Variants in NFATC1 observed in about 807,000 individuals in gnomAD.
The protein encoded by NFATC1 is nuclear factor of activated T cells 1.
Under a neutral mutation model 76.0 loss-of-function variants are expected in NFATC1, and 22 were observed. The ratio of observed to expected loss-of-function variants is 0.29; its 90% CI spans 0.21 to 0.41. The LOEUF is 0.41. Among genes scored for constraint, NFATC1 ranks in the 10% least tolerant of loss-of-function variants. The pLI, the probability that NFATC1 is intolerant of heterozygous loss-of-function variation, is 1.00. For synonymous variants in NFATC1, 704 were observed against 613.1 expected, an observed-to-expected ratio of 1.15 and a Z score of -2.19; for missense variants, 1,357 against 1,337.7, an observed-to-expected ratio of 1.01 and a Z score of -0.23.
intron 6 of NFATC1, 131 bp downstream of exon 6, chr18:79,451,947 G>GGGGGTGTGGC (rs2144788596): frequency 8.8e-7 from 1 of 1,139,758 alleles, no homozygotes; most frequent in South Asian, 1.9e-5. Context: ...GCACGGAGCA[G>GGGGGTGTGGC]AGGCTCTGCG....
intron 9 of NFATC1, 71 bp from the exon 10 acceptor site, chr18:79,527,457 C>A (rs1601031462): frequency 7.8e-7 from 1 of 1,278,598 alleles, no homozygotes; most frequent in East Asian, 2.3e-5. Flanking sequence ...GATGGAGAAG[C>A]AGGGCTGGGG....
intron 9 of NFATC1, among the ~76,000 whole-genome samples, chr18:79,521,325 CTG>C (rs1191916618): frequency 2.2e-4 from 9 of 41,234 alleles, no homozygotes; most frequent in African/African-American, 7.5e-4. Flanking sequence ...ATGTGTGTGT[CTG>C]TGTGTGTGTG....
chr18:79,507,170 C>CT (rs1281362243), intron 9 of NFATC1, among the ~76,000 whole-genome samples: 1 of 152,256 alleles, frequency 6.6e-6, no homozygotes, highest in African/African-American at 2.4e-5. Context: ...GAGGTGAAGT[C>CT]TTCGCCCCAG....
At chr18:79,510,174 C>T (rs2090210031) in intron 9 of NFATC1, among the ~76,000 whole-genome samples, 1 of 152,182 alleles carries the variant, frequency 6.6e-6, no homozygotes, top group Non-Finnish European at 1.5e-5. Flanking sequence ...AGCAGGTTCC[C>T]GGGCCGTCAC....
rs1007106799 is a variant in NFATC1, at chr18:79,458,461, C to T, written c.1904-2850C>T. On this transcript the variant is annotated intron_variant, in intron 6 of 9. Coordinates refer to ENST00000427363, the MANE Select transcript of NFATC1 (RefSeq NM_001278669.2). Reference sequence around the variant, plus strand: ...AACAGTGGCTCAGCATCAGCACCGGCGTGGGGGTGGCCCGGCTCCGGGCGG... The same window carrying T: ...AACAGTGGCTCAGCATCAGCACCGGTGTGGGGGTGGCCCGGCTCCGGGCGG... Among the ~76,000 whole-genome samples, 3 of 151,948 alleles carry T rather than the reference C, an allele frequency of 2.0e-5. 1 individual carries two copies. The highest frequency in any genetic ancestry group is 1.3e-4 in the Admixed American group (2 of 15,272).
rs1330375300 is a variant in NFATC1, at chr18:79,486,299, G to A, written c.2144G>A (p.Cys715Tyr). Residue 715 changes from cysteine (C) to tyrosine (Y), a missense_variant, in exon 9 of 10, where the codon TGT becomes TAT. Physicochemically the swap from Cys to Tyr is radical, Grantham distance 194 (BLOSUM62 -2). Transcript: ENST00000427363. ...PTDDYEPAPT[C>Y]GPVSQGLSPL... The stretch of plus-strand genomic sequence containing the variant: ...GATGATTATGAGCCTGCTCCAACCT[G>A]TGGACCGGTGAGCCAGGGGTTAAGT... The A allele has an allele frequency of 1.2e-6, 2 of 1,613,110 alleles. No homozygotes were observed. The highest frequency in any genetic ancestry group is 4.5e-5 in the East Asian group (2 of 44,872).
intron 9 of NFATC1, among the ~76,000 whole-genome samples, chr18:79,501,924 C>A (rs1272928345): frequency 6.6e-6 from 1 of 152,172 alleles, no homozygotes; most frequent in Non-Finnish European, 1.5e-5. Context: ...GTGAAGATGG[C>A]AGCTTTCTCC....
intron 2 of NFATC1, among the ~76,000 whole-genome samples, chr18:79,420,226 C>T (rs989492140): frequency 3.5e-5 from 5 of 144,676 alleles, no homozygotes; most frequent in Non-Finnish European, 6.0e-5. Context: ...GAGGGGGACG[C>T]GTTTCCAGGT....
intron 3 of NFATC1, among the ~76,000 whole-genome samples, chr18:79,435,624 C>G (rs1292590087): frequency 6.6e-6 from 1 of 152,194 alleles, no homozygotes; most frequent in Non-Finnish European, 1.5e-5. Flanking sequence ...TCTGGAATCC[C>G]GTCTCTGGTT....
At chr18:79,462,790 A>G (rs573654430) in intron 7 of NFATC1, among the ~76,000 whole-genome samples, 4,253 of 147,146 alleles carry the variant, frequency 0.029, 222 homozygotes, top group African/African-American at 0.1. Context: ...CGGGTCAGGG[A>G]AGTCTTGTGC....
chr18:79,403,539 G>C (rs1050736701), intron 1 of NFATC1, among the ~76,000 whole-genome samples: 4 of 152,240 alleles, frequency 2.6e-5, no homozygotes, highest in African/African-American at 9.6e-5. Context: ...CAGGGCTCCT[G>C]TTTTCTAAGT....
intron 9 of NFATC1, among the ~76,000 whole-genome samples, chr18:79,506,705 C>T (rs530956424): frequency 1.3e-4 from 20 of 152,240 alleles, no homozygotes; most frequent in Middle Eastern, 3.4e-3. Context: ...GTGTGTGCTT[C>T]CCAGTTACTT....
chr18:79,436,558 C>T (rs977676007), intron 3 of NFATC1, among the ~76,000 whole-genome samples: 6 of 152,190 alleles, frequency 3.9e-5, no homozygotes, highest in Non-Finnish European at 5.9e-5. Context: ...CTCCCACGCC[C>T]GCTGTCTCCG....
chr18:79,485,204 T>C (rs543072582), intron 8 of NFATC1, among the ~76,000 whole-genome samples: 2 of 152,276 alleles, frequency 1.3e-5, no homozygotes, highest in African/African-American at 2.4e-5. Flanking sequence ...AACCCACCAG[T>C]GTGCAGCCCA....
chr18:79,469,359 G>A (rs1450799637), intron 8 of NFATC1: 14 of 985,302 alleles, frequency 1.4e-5, no homozygotes, highest in Non-Finnish European at 1.7e-5. Flanking sequence ...GAGCAGCACT[G>A]ACTTTAGCAC....
intron 2 of NFATC1, chr18:79,421,247 G>C (rs56303882): frequency 0.013 from 1,990 of 152,474 alleles, 17 homozygotes; most frequent in Non-Finnish European, 0.021. Context: ...GGGCACCCCA[G>C]CTCCTCTCCC....
rs367683259 is a variant in NFATC1 at position 79,527,605 on chromosome 18, A to G, written c.*28A>G. ...GCCACATTGGAGCACTCAGTTCAGC[A>G]GGGGTATGCTGACTTCAGCAGACAA... On this transcript the variant is annotated 3_prime_UTR_variant, in exon 10 of 10. Coordinates refer to ENST00000427363, the MANE Select transcript of NFATC1 (RefSeq NM_001278669.2). 2.6e-5 allele frequency: 42 copies of G among 1,608,548 alleles called. No homozygotes were observed. Among genetic ancestry groups the G allele is most frequent in the African/African-American group, 1.5e-4 (11 of 74,796 alleles).
chr18:79,414,111 G>A (rs979214740), intron 2 of NFATC1, among the ~76,000 whole-genome samples: 4 of 152,190 alleles, frequency 2.6e-5, no homozygotes, highest in Non-Finnish European at 5.9e-5. Flanking sequence ...GTGCCCTGGG[G>A]CAGCTGGAAG....
chr18:79,451,591 C>T (rs1270416044), intron 5 of NFATC1, 85 bp from the exon 6 acceptor site: 16 of 1,383,730 alleles, frequency 1.2e-5, no homozygotes, highest in Non-Finnish European at 1.3e-5. Flanking sequence ...TGGGTCGGCT[C>T]ACGTGTGACC....
Sources: allele counts gnomAD v4.1 joint callset (sites outside exome capture counted in the v4.1 genomes callset), GRCh38; gene constraint gnomAD v4.1.1; transcripts MANE v1.5; gene names NCBI Gene and HGNC (gene_info 2026-07-23, HGNC 2026-07-21).